The following SYN2 variants were observed in gnomAD, a reference collection of about 807,000 sequenced individuals.
The protein encoded by SYN2 is synapsin-2.
Under a neutral mutation model 50.9 loss-of-function variants are expected in SYN2, and 19 were observed. That is an observed-to-expected ratio of 0.37 (90% confidence interval 0.26 to 0.55). SYN2 has a LOEUF of 0.55. Among genes scored for constraint, SYN2 ranks in the 20% least tolerant of loss-of-function variants. The pLI is 0.81. For synonymous variants in SYN2, 255 were observed against 224.9 expected (o/e 1.13, Z -1.20); for missense variants, 587 against 576.4 (o/e 1.02, Z -0.19).
intron 5 of SYN2, among the ~76,000 whole-genome samples, chr3:12,156,473 G>A (rs1421530644): frequency 6.6e-6 from 1 of 152,226 alleles, no homozygotes; most frequent in African/African-American, 2.4e-5. Flanking sequence ...TGACCTGCAA[G>A]GAGCAGTTTT....
Position 12,050,711 on chromosome 3 carries a change from C to CTTTTTTTTTTT in SYN2, c.377+45808_377+45818dup, listed in dbSNP as rs57099569. Among the ~76,000 whole-genome samples the CTTTTTTTTTTT allele has an allele frequency of 5.5e-3, 280 of 50,566 alleles. 94 individuals carry two copies. The highest frequency in any genetic ancestry group is 0.05 in the Middle Eastern group (2 of 40). The allele number at this position is 50,566 out of a possible 152,430, so 33.2% of individuals were successfully genotyped here. On this transcript the variant is annotated intron_variant, in intron 1 of 12. Coordinates refer to ENST00000621198, the MANE Select transcript of SYN2 (RefSeq NM_133625.6). Reference sequence around the variant, plus strand: ...AATAATCTCATCTTTCTTCTCTTCTCTTTTTTTTTTTTTTTTTTTTTTTTT... The same window carrying CTTTTTTTTTTT: ...AATAATCTCATCTTTCTTCTCTTCTCTTTTTTTTTTTTTTTTTTTTTTTTTTTTTTTTTTTT...
rs1693836692 is a variant in SYN2 at position 12,008,143 on chromosome 3, A to C, written c.377+3215A>C. 2.0e-5 allele frequency among the ~76,000 whole-genome samples: 3 copies of C among 152,144 alleles called. No individual in the cohort carries two copies. In the South Asian group the frequency reaches 6.2e-4, roughly 31 times the overall value. On this transcript the variant is annotated intron_variant, in intron 1 of 12. Transcript: ENST00000621198. ...TGTTTCTTCTGTGTGTTATACTCTC[A>C]CCAGCGAAGAGATACGTTTTCTCTC...
chr3:12,131,063 G>A (rs1234565010), intron 1 of SYN2, among the ~76,000 whole-genome samples: 1 of 152,196 alleles, frequency 6.6e-6, no homozygotes, highest in Admixed American at 6.5e-5. Flanking sequence ...TGCTTATGCA[G>A]GTTGTTCACT....
At chr3:12,128,299 G>A (rs774039516) in intron 1 of SYN2, among the ~76,000 whole-genome samples, 12 of 152,012 alleles carry the variant, frequency 7.9e-5, no homozygotes, top group Non-Finnish European at 1.6e-4. Context: ...AGTGGAAATC[G>A]GGTCCTCAGT....
At chr3:12,054,415 G>A (rs898538842) in intron 1 of SYN2, among the ~76,000 whole-genome samples, 5 of 152,126 alleles carry the variant, frequency 3.3e-5, no homozygotes, top group African/African-American at 4.8e-5. Context: ...GTGTATAGCC[G>A]GTTGACACAG....
chr3:12,148,020 G>C (rs1185553659), intron 4 of SYN2, among the ~76,000 whole-genome samples: 2 of 152,156 alleles, frequency 1.3e-5, no homozygotes, highest in South Asian at 4.2e-4. Context: ...TGGCTGAGGC[G>C]GGAGAATGGC....
intron 1 of SYN2, among the ~76,000 whole-genome samples, chr3:12,033,099 A>G (rs1379780818): frequency 2.0e-5 from 3 of 151,358 alleles, no homozygotes; most frequent in Non-Finnish European, 4.4e-5. Flanking sequence ...TCCTTCTAAC[A>G]GACAGGACCC....
chr3:12,176,863 T>C (rs1391881335), intron 10 of SYN2, among the ~76,000 whole-genome samples: 1 of 152,176 alleles, frequency 6.6e-6, no homozygotes, highest in African/African-American at 2.4e-5. Flanking sequence ...TTTGACCCAG[T>C]GTAGGGAGTA....
rs192768199 is a variant in SYN2 at position 12,058,741 on chromosome 3, A to T, written c.377+53813A>T. The stretch of plus-strand genomic sequence containing the variant: ...TTTGATATTTTGCTTTTCCTGACCT[A>T]GTCAAAAGATTCTGTTAGAGTGTCA... On this transcript the variant is annotated intron_variant, in intron 1 of 12. Transcript: ENST00000621198. Among the ~76,000 whole-genome samples, 9 of 152,342 alleles carry T rather than the reference A, an allele frequency of 5.9e-5. No individual in the cohort carries two copies. In the East Asian group the frequency reaches 1.3e-3, roughly 23 times the overall value.
At chr3:12,027,131 G>A (rs1694278541) in intron 1 of SYN2, among the ~76,000 whole-genome samples, 1 of 152,190 alleles carries the variant, frequency 6.6e-6, no homozygotes, top group African/African-American at 2.4e-5. Context: ...GGTGAATGTG[G>A]CAAGATTGTA....
At chr3:12,112,273 C>A (rs553182037) in intron 1 of SYN2, among the ~76,000 whole-genome samples, 1 of 152,094 alleles carries the variant, frequency 6.6e-6, no homozygotes, top group African/African-American at 2.4e-5. Context: ...TTGATCAGCT[C>A]TATTTTCTTT....
At position 12,169,857 on chromosome 3, in the gene SYN2, G is replaced by A; in HGVS notation, c.1259G>A (p.Arg420Lys). Residue 420 changes from arginine (R) to lysine (K), a missense_variant, in exon 10 of 13, where the codon AGG becomes AAG. By Grantham distance (26) the Arg-to-Lys change is conservative (BLOSUM62 2). Coordinates refer to ENST00000621198, the MANE Select transcript of SYN2 (RefSeq NM_133625.6). ...AGCAAGATGAACCAGCTGCTGTCCA[G>A]GACTCCTGCCCTGTCTCCTCAGAGA... ...VISKMNQLLSRTPALSPQRPL... is the reference protein window; with the variant it reads ...VISKMNQLLSKTPALSPQRPL... 6 of 1,613,452 alleles carry A rather than the reference G, an allele frequency of 3.7e-6. No homozygotes were observed. In the South Asian group the frequency reaches 6.6e-5, roughly 18 times the overall value.
At chr3:12,024,939 G>A (rs1306837657) in intron 1 of SYN2, among the ~76,000 whole-genome samples, 1 of 152,212 alleles carries the variant, frequency 6.6e-6, no homozygotes, top group Non-Finnish European at 1.5e-5. Context: ...TGTCTTGTCA[G>A]CTCAGGCTGC....
At chr3:12,159,021 G>A (rs759969001) in intron 5 of SYN2, 20 of 832,466 alleles carry the variant, frequency 2.4e-5, no homozygotes, top group Admixed American at 1.4e-4. Context: ...GGCAGGACCC[G>A]AGGCTCTTCC....
At chr3:12,072,614 C>T (rs1453727696) in intron 1 of SYN2, among the ~76,000 whole-genome samples, 2 of 152,138 alleles carry the variant, frequency 1.3e-5, no homozygotes, top group African/African-American at 4.8e-5. Context: ...GGTACCCTCA[C>T]CAAAAGTAAA....
Position 12,025,303 on chromosome 3 carries a change from G to A in SYN2, c.377+20375G>A, listed in dbSNP as rs62240362. ...GAGTGACACAAACATTCAGTCCATAGCAACGTGGTATTGTCAGTATTTTAA... is the reference window on the plus strand; with the variant it reads ...GAGTGACACAAACATTCAGTCCATAACAACGTGGTATTGTCAGTATTTTAA... On this transcript the variant is annotated intron_variant, in intron 1 of 12. Transcript: ENST00000621198. 6.3e-3 allele frequency among the ~76,000 whole-genome samples: 961 copies of A among 152,260 alleles called. 4 individuals carry two copies. The highest frequency in any genetic ancestry group is 0.01 in the Non-Finnish European group (695 of 68,024).
chr3:12,167,578 G>A (rs1207374074), intron 8 of SYN2, among the ~76,000 whole-genome samples: 1 of 151,944 alleles, frequency 6.6e-6, no homozygotes, highest in Non-Finnish European at 1.5e-5. Context: ...TGTACAGTCT[G>A]CAGAACCATG....
intron 1 of SYN2, among the ~76,000 whole-genome samples, chr3:12,052,202 T>C (rs1397715906): frequency 3.3e-5 from 5 of 152,192 alleles, no homozygotes; most frequent in African/African-American, 1.2e-4. Flanking sequence ...ATTTTAAAAG[T>C]CTCACAGTAT....
At chr3:12,066,865 A>T (rs1404729125) in intron 1 of SYN2, among the ~76,000 whole-genome samples, 2 of 152,176 alleles carry the variant, frequency 1.3e-5, no homozygotes, top group Non-Finnish European at 2.9e-5. Context: ...GGAAGCTTAC[A>T]ATGATGGCAG....
Sources: allele counts gnomAD v4.1 joint callset (sites outside exome capture counted in the v4.1 genomes callset), GRCh38; gene constraint gnomAD v4.1.1; transcripts MANE v1.5; gene names NCBI Gene and HGNC (gene_info 2026-07-23, HGNC 2026-07-21).